TBC1D15: variants seen among roughly 807,000 people sequenced by gnomAD.
TBC1D15 encodes GAP for RAB7.
TBC1D15 carries 39 observed loss-of-function variants against 95.4 expected under a neutral mutation model. The ratio of observed to expected loss-of-function variants is 0.41; its 90% confidence interval spans 0.32 to 0.53. TBC1D15 has a LOEUF of 0.53. Ranked by LOEUF, TBC1D15 falls within the 20% of genes least tolerant of loss-of-function variation. The pLI, the probability that TBC1D15 is intolerant of heterozygous loss-of-function variation, is 0.29. For missense variants in TBC1D15, 733 were observed against 794.3 expected (o/e 0.92, Z 0.93); for synonymous variants, 258 against 261.3 (o/e 0.99, Z 0.12).
intron 4 of TBC1D15, among the ~76,000 whole-genome samples, chr12:71,883,962 C>T (rs569121570): frequency 1.3e-5 from 2 of 152,144 alleles, no homozygotes; most frequent in East Asian, 1.9e-4. Context: ...CTGGAATTTT[C>T]GCTTCTATAA....
At chr12:71,841,989 C>A (rs1400988371) in intron 1 of TBC1D15, among the ~76,000 whole-genome samples, 4 of 152,134 alleles carry the variant, frequency 2.6e-5, no homozygotes, top group Non-Finnish European at 5.9e-5. Context: ...TTCATCTCCC[C>A]TCTCCCTTCA....
chr12:71,864,140 G>A (rs1004630121), intron 1 of TBC1D15, among the ~76,000 whole-genome samples: 2 of 151,816 alleles, frequency 1.3e-5, no homozygotes, highest in African/African-American at 4.8e-5. Flanking sequence ...CACCATCTTG[G>A]CTCACTGCAA....
At chr12:71,885,920 G>C (rs1328359602) in intron 5 of TBC1D15, among the ~76,000 whole-genome samples, 1 of 152,176 alleles carries the variant, frequency 6.6e-6, no homozygotes, top group African/African-American at 2.4e-5. Flanking sequence ...TTACAGGTCT[G>C]CAAAGTATGA....
Position 71,917,779 on chromosome 12 carries a change from G to A in TBC1D15, c.1483G>A (p.Gly495Arg), listed in dbSNP as rs1464889257. Reference sequence around the variant, plus strand: ...TACCTTACTTCGATTGTTAGACAGTGGATTTTGCAGTTACTTAGGTAAGTT... The same window carrying A: ...TACCTTACTTCGATTGTTAGACAGTAGATTTTGCAGTTACTTAGGTAAGTT... ...LSTLLRLLDS[G>R]FCSYLESQDS... The change falls in exon 13 of 17, where the codon GGA (glycine) becomes AGA (arginine). Residue 495 changes from glycine (G) to arginine (R), a missense_variant. By Grantham distance (125) the Gly-to-Arg change is moderately radical (BLOSUM62 -2). Coordinates refer to ENST00000485960, the MANE Select transcript of TBC1D15 (RefSeq NM_001146213.3). 1 of 1,611,838 alleles carries A rather than the reference G, an allele frequency of 6.2e-7. No individual in the cohort carries two copies. Among genetic ancestry groups the A allele is most frequent in the Admixed American group, 1.7e-5 (1 of 59,976 alleles).
intron 10 of TBC1D15, among the ~76,000 whole-genome samples, chr12:71,901,825 C>T (rs1172843126): frequency 1.3e-5 from 2 of 152,102 alleles, no homozygotes; most frequent in African/African-American, 4.8e-5. Flanking sequence ...CAATATGACA[C>T]TATACCTAGA....
At chr12:71,915,266 G>C (rs1042768976) in intron 12 of TBC1D15, among the ~76,000 whole-genome samples, 2 of 151,766 alleles carry the variant, frequency 1.3e-5, no homozygotes, top group African/African-American at 4.8e-5. Flanking sequence ...TTGTGTTTTT[G>C]TTGTTTATCC....
In TBC1D15 at chr12:71,917,782, T is replaced by A. The variant is rs1360562055; in HGVS notation, c.1486T>A (p.Phe496Ile). The A allele has an allele frequency of 8.1e-6, 13 of 1,611,500 alleles. No individual in the cohort carries two copies. Among genetic ancestry groups the A allele is most frequent in the Admixed American group, 5.0e-5 (3 of 59,952 alleles). Residue 496 changes from phenylalanine to isoleucine, a missense_variant, in exon 13 of 17, where the codon TTT becomes ATT. By Grantham distance (21) the Phe-to-Ile change is conservative (BLOSUM62 0). Coordinates refer to ENST00000485960, the MANE Select transcript of TBC1D15 (RefSeq NM_001146213.3). ...STLLRLLDSG[F>I]CSYLESQDSG... The stretch of plus-strand genomic sequence containing the variant: ...CTTACTTCGATTGTTAGACAGTGGA[T>A]TTTGCAGTTACTTAGGTAAGTTTAG...
chr12:71,915,583 A>G (rs1050711257), intron 12 of TBC1D15, among the ~76,000 whole-genome samples: 8 of 152,094 alleles, frequency 5.3e-5, no homozygotes, highest in African/African-American at 1.4e-4. Flanking sequence ...ACATGCATAC[A>G]GACGTGTGTA....
intron 12 of TBC1D15, among the ~76,000 whole-genome samples, chr12:71,914,801 A>T (rs946845732): frequency 1.3e-5 from 2 of 152,104 alleles, no homozygotes; most frequent in Non-Finnish European, 2.9e-5. Flanking sequence ...AGTTTCTGGG[A>T]TACAAATGTG....
chr12:71,907,235 G>A (rs1045901799), intron 11 of TBC1D15, 97 bp downstream of exon 11: 5 of 665,450 alleles, frequency 7.5e-6, no homozygotes, highest in East Asian at 3.1e-5. Flanking sequence ...AGCTTTGTAG[G>A]CCTAGTTTTA....
chr12:71,852,521 T>C (rs558406735), intron 1 of TBC1D15, among the ~76,000 whole-genome samples: 3 of 152,378 alleles, frequency 2.0e-5, no homozygotes, highest in Admixed American at 2.0e-4. Context: ...TCTAAACTTT[T>C]ATGTCCTGCT....
Position 71,896,644 on chromosome 12 carries a change from C to T in TBC1D15, c.985-33C>T, listed in dbSNP as rs185163515. 47 of 1,541,932 alleles carry T rather than the reference C, an allele frequency of 3.0e-5. 1 individual carries two copies. The East Asian group carries it at 9.3e-4, about 31-fold the overall frequency. ...GAACTTACAGTATTACATTCTTTTT[C>T]ATTCATGTATTTAATATGTATGCTT... is the stretch of plus-strand genomic sequence containing the variant. On this transcript the variant is annotated intron_variant, in intron 8 of 16. Transcript: ENST00000485960.
intron 14 of TBC1D15, among the ~76,000 whole-genome samples, chr12:71,919,309 G>A (rs931489164): frequency 1.3e-5 from 2 of 151,420 alleles, no homozygotes; most frequent in Admixed American, 6.6e-5. Context: ...TAAGTAGCTG[G>A]GACTACAGGT....
chr12:71,867,487 T>C (rs1891740144), intron 1 of TBC1D15, among the ~76,000 whole-genome samples: 1 of 152,202 alleles, frequency 6.6e-6, no homozygotes, highest in East Asian at 1.9e-4. Context: ...TGTGAGGATT[T>C]AAGTGAGATC....
chr12:71,869,280 T>C (rs1892163993), intron 1 of TBC1D15, among the ~76,000 whole-genome samples: 1 of 152,168 alleles, frequency 6.6e-6, no homozygotes, highest in East Asian at 1.9e-4. Flanking sequence ...CCCAGCACTT[T>C]GAGAGGCCAA....
At chr12:71,855,396 C>CT (rs1888798054) in intron 1 of TBC1D15, among the ~76,000 whole-genome samples, 1 of 152,030 alleles carries the variant, frequency 6.6e-6, no homozygotes, top group Non-Finnish European at 1.5e-5. Context: ...TACCATATAG[C>CT]TGAATGAATC....
Position 71,872,110 on chromosome 12 carries a change from G to A in TBC1D15, c.71G>A (p.Cys24Tyr). Reference sequence around the variant, plus strand: ...GAAGGAGTATATATTCACTCATCTTGTGGAAAGACCAATGACCAAGACGGC... The same window carrying A: ...GAAGGAGTATATATTCACTCATCTTATGGAAAGACCAATGACCAAGACGGC... ...EQEGVYIHSSCGKTNDQDGLI... is the reference protein window; with the variant it reads ...EQEGVYIHSSYGKTNDQDGLI... Residue 24 changes from cysteine to tyrosine, a missense_variant, in exon 2 of 17, where the codon TGT becomes TAT. By Grantham distance (194) the Cys-to-Tyr change is radical. Coordinates refer to ENST00000485960, the MANE Select transcript of TBC1D15 (RefSeq NM_001146213.3). The A allele has an allele frequency of 1.3e-6, 2 of 1,574,236 alleles. No individual in the cohort carries two copies. The highest frequency in any genetic ancestry group is 8.6e-7 in the Non-Finnish European group (1 of 1,162,854).
rs932023249 is a variant in TBC1D15 at position 71,849,554 on chromosome 12, A to C, written c.30+9743A>C. 14 of 707,166 alleles carry C rather than the reference A, an allele frequency of 2.0e-5. No individual in the cohort carries two copies. The African/African-American group carries it at 2.5e-4, about 12-fold the overall frequency. The allele number at this position is 707,166 out of a possible 1,614,324, so 43.8% of individuals were successfully genotyped here. A position where few individuals can be genotyped will look rare whatever the true frequency, so the allele number is the denominator to read the frequency against. ...GTAGATTCAACTTCATTATCACGTT[A>C]CAGTGGCTGTCCAGATTGATGAAAA... On this transcript the variant is annotated intron_variant, in intron 1 of 16. Transcript: ENST00000485960.
rs769546859 is a variant in TBC1D15, at chr12:71,872,913, T to C, written c.130-16T>C. ...ATTGCTGAATATTAAATATAGTTCA[T>C]AATTTCTTTCTCTAGGATGCCGAAG... On this transcript the variant is annotated splice_polypyrimidine_tract_variant and intron_variant, in intron 2 of 16. Coordinates refer to ENST00000485960, the MANE Select transcript of TBC1D15 (RefSeq NM_001146213.3). The C allele has an allele frequency of 6.4e-7, 1 of 1,569,052 alleles. No homozygotes were observed.
Sources: allele counts gnomAD v4.1 joint callset (sites outside exome capture counted in the v4.1 genomes callset), GRCh38; gene constraint gnomAD v4.1.1; transcripts MANE v1.5; gene names NCBI Gene and HGNC (gene_info 2026-07-23, HGNC 2026-07-21).